THSD7A: variants seen among roughly 807,000 people sequenced by gnomAD.
THSD7A encodes the protein thrombospondin type-1 domain-containing protein 7A.
A neutral mutation model predicts 231.3 loss-of-function variants in THSD7A; 96 were observed. The observed-to-expected ratio is 0.41, with a 90% CI of 0.35 to 0.49. The LOEUF is 0.49. Among genes scored for constraint, THSD7A ranks in the 20% least tolerant of loss-of-function variants. The pLI is 0.05. For missense variants in THSD7A, 2,290 were observed against 2,070.2 expected (o/e 1.11, Z -2.06); for synonymous variants, 940 against 743.3 (o/e 1.26, Z -4.30).
chr7:11,394,579 T>G (rs1420007772), intron 23 of THSD7A, among the ~76,000 whole-genome samples: 1 of 152,186 alleles, frequency 6.6e-6, no homozygotes, highest in Non-Finnish European at 1.5e-5. Context: ...TAAACAGGCT[T>G]GTTTACTTGT....
At chr7:11,541,367 A>G in intron 6 of THSD7A, 52 bp downstream of exon 6, 6 of 1,550,452 alleles carry the variant, frequency 3.9e-6, no homozygotes, top group Non-Finnish European at 5.3e-6. Flanking sequence ...AAGTAAAAAC[A>G]TATATGCAGG....
intron 1 of THSD7A, among the ~76,000 whole-genome samples, chr7:11,666,929 A>G (rs906561859): frequency 9.2e-5 from 14 of 152,182 alleles, no homozygotes; most frequent in Non-Finnish European, 1.9e-4. Context: ...AAATAAGTCA[A>G]AAAAACTAAA....
intron 11 of THSD7A, among the ~76,000 whole-genome samples, chr7:11,450,464 C>G (rs1235877856): frequency 6.6e-6 from 1 of 151,996 alleles, no homozygotes; most frequent in Admixed American, 6.6e-5. Context: ...ACAATCTGTA[C>G]AATATACTGA....
intron 5 of THSD7A, among the ~76,000 whole-genome samples, chr7:11,542,663 G>T (rs560969663): frequency 6.6e-6 from 1 of 152,014 alleles, no homozygotes; most frequent in Non-Finnish European, 1.5e-5. Context: ...AAACAGTAAG[G>T]GACACAGTAG....
At chr7:11,378,869 T>G (rs1489620102) in intron 26 of THSD7A, 2 of 570,554 alleles carry the variant, frequency 3.5e-6, no homozygotes, top group Non-Finnish European at 6.0e-6. Flanking sequence ...GAATGTAATT[T>G]CATTTCTCTG....
intron 1 of THSD7A, among the ~76,000 whole-genome samples, chr7:11,707,539 C>T (rs905858820): frequency 6.6e-6 from 1 of 150,982 alleles, no homozygotes; most frequent in Non-Finnish European, 1.5e-5. Flanking sequence ...AAAATCAATA[C>T]ATTCTATCAT....
At chr7:11,730,976 T>C (rs1526557) in intron 1 of THSD7A, among the ~76,000 whole-genome samples, 65,234 of 151,282 alleles carry the variant, frequency 0.43, 14,147 homozygotes, top group Admixed American at 0.5. Context: ...ATACCATACA[T>C]AGTCTTATTT....
chr7:11,811,463 A>C (rs556743376), intron 1 of THSD7A, among the ~76,000 whole-genome samples: 4 of 152,310 alleles, frequency 2.6e-5, no homozygotes, highest in African/African-American at 9.6e-5. Context: ...TATGAATTCA[A>C]GTTAAAAATC....
rs1399404025 is a variant in THSD7A at position 11,507,382 on chromosome 7, A to G, written c.1823-25400T>C. Among the ~76,000 whole-genome samples, 6 of 152,186 alleles carry G rather than the reference A, an allele frequency of 3.9e-5. No homozygotes were observed. The East Asian group carries it at 9.6e-4, about 24-fold the overall frequency. On this transcript the variant is annotated intron_variant, in intron 6 of 27. Coordinates refer to ENST00000423059, the MANE Select transcript of THSD7A (RefSeq NM_015204.3). ...AGAAAGTGCTTTAGTGACTTTATAT[A>G]TTGTTATAACAATATCTAAAATGGC...
intron 1 of THSD7A, among the ~76,000 whole-genome samples, chr7:11,773,148 A>G (rs1345109319): frequency 6.6e-6 from 1 of 152,198 alleles, no homozygotes; most frequent in Non-Finnish European, 1.5e-5. Context: ...ACACTGAAAG[A>G]TGCTTCCTTA....
intron 9 of THSD7A, among the ~76,000 whole-genome samples, chr7:11,467,354 T>C (rs1785752513): frequency 6.6e-6 from 1 of 152,176 alleles, no homozygotes; most frequent in African/African-American, 2.4e-5. Context: ...ACCATGTAAG[T>C]CTTACATTAT....
At chr7:11,419,387 C>A (rs140746004) in intron 16 of THSD7A, among the ~76,000 whole-genome samples, 14 of 152,252 alleles carry the variant, frequency 9.2e-5, no homozygotes, top group African/African-American at 3.4e-4. Context: ...TCCCCCTTTG[C>A]TTTTTCTCTC....
chr7:11,575,436 T>C (rs1340586641), intron 4 of THSD7A, among the ~76,000 whole-genome samples: 1 of 152,186 alleles, frequency 6.6e-6, no homozygotes. Flanking sequence ...GGATCCCCTG[T>C]AGAAGTGGGA....
intron 13 of THSD7A, among the ~76,000 whole-genome samples, chr7:11,442,452 T>C (rs1427634489): frequency 6.6e-6 from 1 of 152,070 alleles, no homozygotes; most frequent in Non-Finnish European, 1.5e-5. Context: ...TAGGGGATTA[T>C]TGTCATTGCA....
intron 6 of THSD7A, among the ~76,000 whole-genome samples, chr7:11,529,633 C>T (rs1194895306): frequency 6.6e-6 from 1 of 151,984 alleles, no homozygotes; most frequent in Non-Finnish European, 1.5e-5. Flanking sequence ...CCATATAAGG[C>T]ATGCCTTGCT....
At chr7:11,779,411 C>T (rs1419681985) in intron 1 of THSD7A, among the ~76,000 whole-genome samples, 11 of 152,188 alleles carry the variant, frequency 7.2e-5, no homozygotes, top group Admixed American at 5.2e-4. Flanking sequence ...ATCCAAGTTT[C>T]CAACTCCTTT....
Position 11,543,316 on chromosome 7 carries a change from G to A in THSD7A, c.1454-199C>T, listed in dbSNP as rs531760493. Among the ~76,000 whole-genome samples, 4 of 152,248 alleles carry A rather than the reference G, an allele frequency of 2.6e-5. No individual in the cohort carries two copies. The South Asian group carries it at 6.2e-4, about 24-fold the overall frequency. ...AAAGAGGCAATAAAGTGTAGTCAAA[G>A]GAAACTGGAGATGTCTTGCAAATTG... On this transcript the variant is annotated intron_variant, in intron 4 of 27. Transcript: ENST00000423059.
At chr7:11,627,471 T>A (rs1781510996) in intron 2 of THSD7A, among the ~76,000 whole-genome samples, 1 of 152,148 alleles carries the variant, frequency 6.6e-6, no homozygotes, top group Non-Finnish European at 1.5e-5. Flanking sequence ...ACACATTTCC[T>A]GAGAAAACCT....
At chr7:11,420,198 A>G (rs567962051) in intron 16 of THSD7A, among the ~76,000 whole-genome samples, 47 of 152,342 alleles carry the variant, frequency 3.1e-4, no homozygotes, top group Non-Finnish European at 6.3e-4. Context: ...AGTAGCCAAG[A>G]CATGGGGAAA....
Sources: gnomAD v4.1 joint callset for allele counts (sites outside exome capture counted in the v4.1 genomes callset) on GRCh38, gnomAD v4.1.1 for gene constraint, MANE v1.5 for transcripts, NCBI Gene and HGNC (gene_info 2026-07-23, HGNC 2026-07-21) for gene names.